Variants in AGRN observed in about 807,000 individuals in gnomAD.
The protein encoded by AGRN is agrin proteoglycan.
AGRN carries 106 observed loss-of-function variants against 211.0 expected under a neutral mutation model. That is an observed-to-expected ratio of 0.50 (90% CI 0.43 to 0.59). The LOEUF is 0.59. Ranked by LOEUF, AGRN falls within the 20% of genes least tolerant of loss-of-function variation. The pLI is 0.00. For missense variants in AGRN, 3,040 were observed against 2,982.6 expected, an observed-to-expected ratio of 1.02 and a Z score of -0.45; for synonymous variants, 1,525 against 1,332.5, an observed-to-expected ratio of 1.14 and a Z score of -3.15.
intron 2 of AGRN, chr1:1,034,673 G>C (rs1412298893): frequency 2.0e-6 from 2 of 988,756 alleles, no homozygotes; most frequent in Admixed American, 5.8e-5. Flanking sequence ...CGCCACGCTC[G>C]GCTTCGCGGT....
rs1024526058 is a variant in AGRN at position 1,020,305 on chromosome 1, G to A, written c.133G>A (p.Val45Met). The part of the protein sequence containing the change: ...ALERREEEAN[V>M]VLTGTVEEIL... ...GGAGCGGCGCGAGGAGGAGGCGAAC[G>A]TGGTGCTCACCGGGACGGTGGAGGA... is the stretch of plus-strand genomic sequence containing the variant. The change falls in exon 1 of 36, where the codon GTG becomes ATG. Residue 45 changes from valine to methionine, a missense_variant. Physicochemically the swap from Val to Met is conservative, Grantham distance 21. Around this residue, in one of 3 missense-constraint regions of AGRN, gnomAD observed 1,498 missense variants for 1,457.8 expected, o/e 1.03. Transcript: ENST00000379370. 19 of 1,479,082 alleles carry A rather than the reference G, an allele frequency of 1.3e-5. No individual in the cohort carries two copies. The highest frequency in any genetic ancestry group is 1.5e-5 in the African/African-American group (1 of 68,184). The allele number at this position is 1,479,082 out of a possible 1,614,324, so 91.6% of individuals were successfully genotyped here.
chr1:1,020,423 C>T, intron 1 of AGRN, 50 bp downstream of exon 1: 2 of 1,469,318 alleles, frequency 1.4e-6, no homozygotes, highest in East Asian at 3.0e-5. Flanking sequence ...GCCGCCCCGC[C>T]GGGACCCCCG....
intron 33 of AGRN, chr1:1,052,224 C>A: frequency 4.6e-6 from 2 of 433,056 alleles, no homozygotes; most frequent in Non-Finnish European, 4.2e-6. Flanking sequence ...GCCCCACAGC[C>A]AACCCCCACC....
At position 1,048,228 on chromosome 1, in the gene AGRN, C is replaced by T. The variant is rs1483328884; in HGVS notation, c.3968C>T (p.Pro1323Leu). 2 of 1,545,868 alleles carry T rather than the reference C, an allele frequency of 1.3e-6. No individual in the cohort carries two copies. Among genetic ancestry groups the T allele is most frequent in the African/African-American group, 1.4e-5 (1 of 73,212 alleles). The change falls in exon 23 of 36, where the codon CCC becomes CTC. Residue 1323 changes from proline to leucine, a missense_variant. Physicochemically the swap from Pro to Leu is moderately conservative, Grantham distance 98. This residue lies in a region of AGRN where 1,537 missense variants were observed against 1,505.0 expected (regional missense o/e 1.02). Coordinates refer to ENST00000379370, the MANE Select transcript of AGRN (RefSeq NM_198576.4). This position sits in a 1 kb window ranked among gnomAD's most constrained non-coding sequence, Gnocchi z 5.9. Reference protein sequence around the residue: ...TAPSRVPGRRPPAPQQPPKPC... With the variant: ...TAPSRVPGRRLPAPQQPPKPC... ...CCCAGCCGTGTGCCCGGACGTCGGC[C>T]CCCGGCCCCCCAGCAGCCTCCAAAG...
chr1:1,050,244 G>T lies in AGRN; in HGVS notation c.4891G>T (p.Asp1631Tyr). 1 of 1,613,178 alleles carries T rather than the reference G, an allele frequency of 6.2e-7. No individual in the cohort carries two copies. Among genetic ancestry groups the T allele is most frequent in the Non-Finnish European group, 8.5e-7 (1 of 1,179,956 alleles). ...GACTCTCCCTACAGCCTCGGGGCAG[G>T]ACGGCTCTGGGCCCTTCCTGGCTGA... Reference protein sequence around the residue: ...GTFCQTASGQDGSGPFLADFN... With the variant: ...GTFCQTASGQYGSGPFLADFN... The change falls in exon 28 of 36, where the codon GAC (aspartate) becomes TAC (tyrosine). Residue 1631 changes from aspartate (D) to tyrosine (Y), a missense_variant. Physicochemically the swap from Asp to Tyr is radical, Grantham distance 160. Coordinates refer to ENST00000379370, the MANE Select transcript of AGRN (RefSeq NM_198576.4).
intron 30 of AGRN, 127 bp downstream of exon 30, chr1:1,050,964 C>T (rs141344113): frequency 1.2e-4 from 187 of 1,549,138 alleles, no homozygotes; most frequent in Non-Finnish European, 1.6e-4. Flanking sequence ...CCTGCCCTGT[C>T]CTCTGCCTCC....
In AGRN at chr1:1,047,293, T is replaced by TG. The variant is rs552039838; in HGVS notation, c.3389-33dup. On this transcript the variant is annotated intron_variant, in intron 19 of 35. Coordinates refer to ENST00000379370, the MANE Select transcript of AGRN (RefSeq NM_198576.4). ...TGGGCCAGCCTGGATGCCAGGCAGA[T>TG]GCCAGGCAGGGCCTCACTGTACCTC... 294 of 1,568,396 alleles carry TG rather than the reference T, an allele frequency of 1.9e-4. 3 individuals carry two copies. The South Asian group carries it at 3.2e-3, about 17-fold the overall frequency.
chr1:1,022,368 C>T lies in AGRN; in HGVS notation c.369C>T (p.Tyr123=). 6.2e-7 allele frequency: 1 copy of T among 1,613,372 alleles called. No homozygotes were observed. The highest frequency in any genetic ancestry group is 8.5e-7 in the Non-Finnish European group (1 of 1,180,006). ...TCTTTGTGAACCCTGCACCCCCATA[C>T]CTGTGGCCAGCCCACAAGAACGAGC... ...RIFFVNPAPP[Y]LWPAHKNELM... Residue 123 remains tyrosine (Y), a synonymous_variant, in exon 2 of 36, where the codon TAC becomes TAT. Transcript: ENST00000379370.
chr1:1,046,018 G>A lies in AGRN; in HGVS notation c.2735G>A (p.Cys912Tyr). 17 of 1,614,026 alleles carry A rather than the reference G, an allele frequency of 1.1e-5. No homozygotes were observed. The highest frequency in any genetic ancestry group is 1.4e-5 in the Non-Finnish European group (16 of 1,180,024). Residue 912 changes from cysteine (C) to tyrosine (Y), a missense_variant, in exon 16 of 36, where the codon TGC (cysteine) becomes TAC (tyrosine). Coordinates refer to ENST00000379370, the MANE Select transcript of AGRN (RefSeq NM_198576.4). Reference protein sequence around the residue: ...AEMRCEFGARCVEESGSAHCV... With the variant: ...AEMRCEFGARYVEESGSAHCV... ...ATGCGCTGTGAGTTCGGTGCGCGGTGCGTGGAGGAGTCTGGCTCAGCCCAC... is the reference window on the plus strand; with the variant it reads ...ATGCGCTGTGAGTTCGGTGCGCGGTACGTGGAGGAGTCTGGCTCAGCCCAC...
At position 1,048,157 on chromosome 1, in the gene AGRN, C is replaced by A; in HGVS notation, c.3897C>A (p.Ala1299=). ...CCAGTCACACAAGCCAGCCCGTTGC[C>A]AAGACCACGGCAGCCCCCACCACAC... ...PHPSHTSQPV[A]KTTAAPTTRR... The change falls in exon 23 of 36, where the codon GCC becomes GCA. Residue 1299 remains alanine, a synonymous_variant. Transcript: ENST00000379370. This position sits in a 1 kb window ranked among gnomAD's most constrained non-coding sequence, Gnocchi z 5.9. The A allele has an allele frequency of 6.3e-7, 1 of 1,580,770 alleles. No homozygotes were observed. The highest frequency in any genetic ancestry group is 2.3e-5 in the East Asian group (1 of 43,156).
chr1:1,047,765 C>A lies in AGRN; in HGVS notation c.3632-11C>A, dbSNP rs753787358. The A allele has an allele frequency of 1.2e-6, 2 of 1,608,980 alleles. No individual in the cohort carries two copies. Among genetic ancestry groups the A allele is most frequent in the South Asian group, 2.2e-5 (2 of 90,698 alleles). ...GGGGCTCTGCCATGCTCAGAGCTCC[C>A]TCCTCCCCAGCCACAGCCTTCAGGG... On this transcript the variant is annotated splice_polypyrimidine_tract_variant and intron_variant, in intron 21 of 35. Coordinates refer to ENST00000379370, the MANE Select transcript of AGRN (RefSeq NM_198576.4).
In AGRN at chr1:1,056,019, C is replaced by A. The variant is rs1366682228; in HGVS notation, c.*1038C>A. The A allele has an allele frequency of 6.6e-6, 1 of 152,360 alleles. No individual in the cohort carries two copies. The highest frequency in any genetic ancestry group is 1.5e-5 in the Non-Finnish European group (1 of 68,116). The allele number at this position is 152,360 out of a possible 1,614,324, so 9.4% of individuals were successfully genotyped here. ...CAGCCCAGTCCTCCTAGGAGCAGGA[C>A]CCGATGAAGCGGGCGGCGGTGGGGC... On this transcript the variant is annotated 3_prime_UTR_variant, in exon 36 of 36. Transcript: ENST00000379370.
intron 33 of AGRN, chr1:1,052,351 A>G: frequency 2.9e-6 from 1 of 343,054 alleles, no homozygotes; most frequent in African/African-American, 2.1e-5. Flanking sequence ...GTGGATGTGC[A>G]AGTGTGTGTG....
rs780736043 is a variant in AGRN, at chr1:1,046,889, A to G, written c.3320A>G (p.Asn1107Ser). The G allele has an allele frequency of 5.7e-6, 9 of 1,585,416 alleles. No homozygotes were observed. The East Asian group carries it at 1.6e-4, about 28-fold the overall frequency. The part of the protein sequence containing the change: ...GPPVERASCY[N>S]SALGCCSDGK... Reference sequence around the variant, plus strand: ...CCTGTCGAGAGGGCTTCCTGCTACAACTCCGCGTTGGGCTGCTGCTCTGAT... The same window carrying G: ...CCTGTCGAGAGGGCTTCCTGCTACAGCTCCGCGTTGGGCTGCTGCTCTGAT... Residue 1107 changes from asparagine to serine, a missense_variant, in exon 19 of 36, where the codon AAC becomes AGC. Physicochemically the swap from Asn to Ser is conservative, Grantham distance 46. Coordinates refer to ENST00000379370, the MANE Select transcript of AGRN (RefSeq NM_198576.4).
intron 2 of AGRN, among the ~76,000 whole-genome samples, chr1:1,024,935 C>T (rs1295638665): frequency 6.6e-6 from 1 of 152,206 alleles, no homozygotes; most frequent in Non-Finnish European, 1.5e-5. Flanking sequence ...GGCCTGGCCT[C>T]CGCAGTGCCA....
intron 33 of AGRN, chr1:1,052,030 G>A (rs778775645): frequency 4.6e-6 from 7 of 1,516,140 alleles, no homozygotes; most frequent in African/African-American, 1.4e-5. Flanking sequence ...AGTAGAGCTC[G>A]GCGCCCCCCG....
intron 3 of AGRN, among the ~76,000 whole-genome samples, chr1:1,037,649 G>C (rs1166812435): frequency 6.6e-6 from 1 of 152,196 alleles, no homozygotes; most frequent in Non-Finnish European, 1.5e-5. Context: ...GGCGTGGCAG[G>C]ACCCCCAAAA....
intron 33 of AGRN, chr1:1,052,435 C>A (rs140021594): frequency 6.5e-5 from 19 of 290,116 alleles, no homozygotes; most frequent in Non-Finnish European, 1.2e-4. Context: ...TGTAGATATG[C>A]GTGTGTGACT....
intron 10 of AGRN, 42 bp downstream of exon 10, chr1:1,044,065 T>C: frequency 2.5e-6 from 4 of 1,612,764 alleles, no homozygotes; most frequent in Non-Finnish European, 3.4e-6. Flanking sequence ...GGCTCTGGCT[T>C]TGGACAAGAA....
Sources: allele counts gnomAD v4.1 joint callset (sites outside exome capture counted in the v4.1 genomes callset), GRCh38; gene constraint gnomAD v4.1.1; regional missense constraint gnomAD v4.1.1; non-coding constraint Gnocchi (gnomAD v3.1); transcripts MANE v1.5; gene names NCBI Gene and HGNC (gene_info 2026-07-23, HGNC 2026-07-21).